The following ITPK1 variants were observed in gnomAD, a reference collection of about 807,000 sequenced individuals.
ITPK1 encodes the protein inositol-tetrakisphosphate 1-kinase.
Under a neutral mutation model 45.3 loss-of-function variants are expected in ITPK1, and 21 were observed. The observed-to-expected ratio is 0.46, with a 90% confidence interval of 0.33 to 0.67. The LOEUF (loss-of-function observed/expected upper bound fraction) is 0.67, where lower values mean the gene tolerates loss of function less well. ITPK1 is among the 30% of genes least tolerant of loss of function. The pLI, the probability that ITPK1 is intolerant of heterozygous loss-of-function variation, is 0.02. For synonymous variants in ITPK1, 258 were observed against 253.6 expected (o/e 1.02, Z -0.16); for missense variants, 474 against 573.5 (o/e 0.83, Z 1.77).
At chr14:92,998,225 A>G (rs890043995) in intron 4 of ITPK1, among the ~76,000 whole-genome samples, 2 of 152,138 alleles carry the variant, frequency 1.3e-5, no homozygotes. Context: ...ACAAAAATGA[A>G]AGGATTCTCA....
intron 4 of ITPK1, among the ~76,000 whole-genome samples, chr14:93,000,802 C>T (rs775902180): frequency 6.6e-6 from 1 of 151,464 alleles, no homozygotes; most frequent in Non-Finnish European, 1.5e-5. Context: ...CATAGCAAAA[C>T]CCCCCGCAAA....
intron 3 of ITPK1, among the ~76,000 whole-genome samples, chr14:93,042,195 A>G (rs972169608): frequency 2.6e-5 from 4 of 152,228 alleles, no homozygotes; most frequent in Admixed American, 6.5e-5. Flanking sequence ...CACAGTAACA[A>G]ATCCAAGATT....
At chr14:92,944,003 A>C (rs1050856228) in intron 10 of ITPK1, among the ~76,000 whole-genome samples, 1 of 152,200 alleles carries the variant, frequency 6.6e-6, no homozygotes, top group Admixed American at 6.5e-5. Flanking sequence ...CCAGCCTCAC[A>C]TTCTTATCAG....
intron 4 of ITPK1, among the ~76,000 whole-genome samples, chr14:92,995,790 C>T (rs1887025577): frequency 6.6e-6 from 1 of 152,202 alleles, no homozygotes; most frequent in Non-Finnish European, 1.5e-5. Flanking sequence ...AGTCTGCCGC[C>T]CACATGGAGC....
rs866744559 is a variant in ITPK1 at position 93,016,527 on chromosome 14, G to A, written c.246+149C>T. 7 of 861,062 alleles carry A rather than the reference G, an allele frequency of 8.1e-6. No homozygotes were observed. The African/African-American group carries it at 8.4e-5, about 10-fold the overall frequency. The allele number at this position is 861,062 out of a possible 1,614,324, so 53.3% of individuals were successfully genotyped here. ...ACGCCGCACAGAAGTACCTGCCCAC[G>A]AGCCCATGTCTTGCCAGTGGCAGAG... On this transcript the variant is annotated intron_variant, in intron 4 of 10. Transcript: ENST00000267615. This position sits in a 1 kb window ranked among gnomAD's most constrained non-coding sequence, Gnocchi z 5.0.
intron 4 of ITPK1, among the ~76,000 whole-genome samples, chr14:93,001,565 C>T (rs577067897): frequency 6.6e-6 from 1 of 152,234 alleles, no homozygotes; most frequent in East Asian, 1.9e-4. Flanking sequence ...CAAGGCGAAC[C>T]CAGCGTGCCA....
rs933748501 is a variant in ITPK1 at position 92,940,907 on chromosome 14, G to A, written c.*654C>T. ...GGGACGTGTGTTGGGGGGCCCAGAG[G>A]ACGCCCAGCTTCCTTTCCTTCCCTT... On this transcript the variant is annotated 3_prime_UTR_variant, in exon 11 of 11. Transcript: ENST00000267615. 3.9e-6 allele frequency: 5 copies of A among 1,287,960 alleles called. No homozygotes were observed. Among genetic ancestry groups the A allele is most frequent in the Non-Finnish European group, 5.1e-6 (5 of 988,726 alleles). The allele number at this position is 1,287,960 out of a possible 1,614,324, so 79.8% of individuals were successfully genotyped here. A position where few individuals can be genotyped will look rare whatever the true frequency, so the allele number is the denominator to read the frequency against.
intron 3 of ITPK1, among the ~76,000 whole-genome samples, chr14:93,059,009 T>G (rs983193961): frequency 3.3e-4 from 1 of 3,030 alleles, no homozygotes; most frequent in Non-Finnish European, 5.7e-4. Flanking sequence ...GTGGAGGGGG[T>G]GCGGATCATG....
intron 3 of ITPK1, among the ~76,000 whole-genome samples, chr14:93,043,721 C>T (rs1042291865): frequency 6.6e-6 from 1 of 152,204 alleles, no homozygotes; most frequent in Non-Finnish European, 1.5e-5. Flanking sequence ...GGTGGTGTCA[C>T]CAGGAATCTG....
At chr14:93,082,923 G>A (rs887442429) in intron 2 of ITPK1, among the ~76,000 whole-genome samples, 5 of 152,212 alleles carry the variant, frequency 3.3e-5, no homozygotes, top group Admixed American at 1.3e-4. Flanking sequence ...AGTGGGGCTC[G>A]TCCTCTCTAG....
chr14:92,983,908 C>T (rs546732282), intron 5 of ITPK1, among the ~76,000 whole-genome samples: 70 of 152,178 alleles, frequency 4.6e-4, no homozygotes, highest in African/African-American at 1.6e-3. Flanking sequence ...AAATATTATG[C>T]TGCCAGCAAA....
Position 93,016,795 on chromosome 14 carries a change from G to A in ITPK1, c.127C>T (p.Leu43Phe), listed in dbSNP as rs1437758995. Residue 43 changes from leucine to phenylalanine, a missense_variant, in exon 4 of 11, where the codon CTT becomes TTT. Physicochemically the swap from Leu to Phe is conservative, Grantham distance 22 (BLOSUM62 0). Coordinates refer to ENST00000267615, the MANE Select transcript of ITPK1 (RefSeq NM_014216.6). This position sits in a 1 kb window ranked among gnomAD's most constrained non-coding sequence, Gnocchi z 5.0. ...KRGMEVVQLN[L>F]SRPIEEQGPL... is the part of the protein sequence containing the mutation. ...CCCTGCTCCTCGATCGGCCGGCTAA[G>A]GTTCAGCTGTGAGGCAGGGAACACA... 9 of 1,613,884 alleles carry A rather than the reference G, an allele frequency of 5.6e-6. No homozygotes were observed. Among genetic ancestry groups the A allele is most frequent in the African/African-American group, 1.3e-5 (1 of 74,896 alleles).
intron 5 of ITPK1, among the ~76,000 whole-genome samples, chr14:92,980,121 C>T (rs1886149997): frequency 6.6e-6 from 1 of 152,152 alleles, no homozygotes. Context: ...AGACTATACA[C>T]CAGCCCCAGA....
At chr14:92,984,468 A>G (rs1886396666) in intron 5 of ITPK1, among the ~76,000 whole-genome samples, 1 of 152,216 alleles carries the variant, frequency 6.6e-6, no homozygotes, top group African/African-American at 2.4e-5. Context: ...CATAATTGAT[A>G]TTTCACAACT....
At chr14:93,100,665 C>G (rs912802777) in intron 2 of ITPK1, among the ~76,000 whole-genome samples, 1 of 152,030 alleles carries the variant, frequency 6.6e-6, no homozygotes, top group Non-Finnish European at 1.5e-5. Flanking sequence ...ACTCAGGAAC[C>G]AATACATCCC....
chr14:93,103,199 C>T (rs1287954074), intron 2 of ITPK1, among the ~76,000 whole-genome samples: 1 of 151,484 alleles, frequency 6.6e-6, no homozygotes. Flanking sequence ...GAGGCTGAGA[C>T]GGGCAGATCA....
chr14:92,993,493 T>C (rs1174109312), intron 5 of ITPK1, among the ~76,000 whole-genome samples: 2 of 152,122 alleles, frequency 1.3e-5, no homozygotes, highest in Non-Finnish European at 2.9e-5. Flanking sequence ...ACGTGTTTGA[T>C]TAAAGGCCTT....
chr14:92,972,573 C>T (rs766356677), intron 5 of ITPK1, among the ~76,000 whole-genome samples: 6 of 152,104 alleles, frequency 3.9e-5, no homozygotes, highest in Non-Finnish European at 8.8e-5. Context: ...ATATACTTCC[C>T]AACTCTTTTG....
intron 10 of ITPK1, among the ~76,000 whole-genome samples, chr14:92,944,405 C>T (rs1480474974): frequency 6.6e-6 from 1 of 152,084 alleles, no homozygotes; most frequent in Non-Finnish European, 1.5e-5. Context: ...TCTGGGTGGC[C>T]CTTCTCTTGG....
Sources: allele counts gnomAD v4.1 joint callset (sites outside exome capture counted in the v4.1 genomes callset), GRCh38; gene constraint gnomAD v4.1.1; non-coding constraint Gnocchi (gnomAD v3.1); transcripts MANE v1.5; gene names NCBI Gene and HGNC (gene_info 2026-07-23, HGNC 2026-07-21).